The following JMJD1C variants were observed in gnomAD, a reference collection of about 807,000 sequenced individuals.
The protein encoded by JMJD1C is jumonji domain containing 1C, also known as jumonji domain-containing protein 1C.
In JMJD1C, 31 loss-of-function variants were observed where a neutral mutation model predicts 245.3. That is an observed-to-expected ratio of 0.13 (90% CI 0.09 to 0.17). JMJD1C has a LOEUF of 0.17. Among genes scored for constraint, JMJD1C ranks in the 10% least tolerant of loss-of-function variants. The pLI is 1.00. For synonymous variants in JMJD1C, 1,057 were observed against 1,017.4 expected, an observed-to-expected ratio of 1.04 and a Z score of -0.74; for missense variants, 2,691 against 3,000.2, an observed-to-expected ratio of 0.90 and a Z score of 2.41.
At position 63,331,309 on chromosome 10, in the gene JMJD1C, T is replaced by C. The variant is rs139497602; in HGVS notation, c.333+49009A>G. On this transcript the variant is annotated intron_variant, in intron 2 of 25. Transcript: ENST00000399262. The stretch of plus-strand genomic sequence containing the variant: ...CCTCTGTTAAAACTCTTAAACCCAC[T>C]TCTCATTACTTACTTTTTTCCTATC... 2.4e-3 allele frequency among the ~76,000 whole-genome samples: 366 copies of C among 152,300 alleles called. 3 individuals carry two copies. In the South Asian group the frequency reaches 0.029, roughly 12 times the overall value.
At chr10:63,416,079 G>C (rs1467412227) in intron 1 of JMJD1C, among the ~76,000 whole-genome samples, 1 of 152,094 alleles carries the variant, frequency 6.6e-6, no homozygotes, top group Non-Finnish European at 1.5e-5. Context: ...TTCCAGATAG[G>C]ATAACTTCTC....
At chr10:63,273,428 A>G (rs142644128) in intron 2 of JMJD1C, among the ~76,000 whole-genome samples, 1 of 152,346 alleles carries the variant, frequency 6.6e-6, no homozygotes, top group African/African-American at 2.4e-5. Flanking sequence ...TAACACAAAC[A>G]AAAATAATGA....
intron 13 of JMJD1C, chr10:63,194,608 C>G (rs1589115679): frequency 2.4e-6 from 1 of 414,942 alleles, no homozygotes; most frequent in South Asian, 3.6e-5. Context: ...TATAAAAACA[C>G]TGACACAAAA....
intron 18 of JMJD1C, among the ~76,000 whole-genome samples, 190 bp from the exon 19 acceptor site, chr10:63,186,573 T>C (rs1269482187): frequency 6.6e-6 from 1 of 152,156 alleles, no homozygotes; most frequent in African/African-American, 2.4e-5. Flanking sequence ...GCTGAAACTA[T>C]TAAATTTCGA....
intron 2 of JMJD1C, among the ~76,000 whole-genome samples, chr10:63,360,734 C>A (rs1327845505): frequency 6.6e-6 from 1 of 152,008 alleles, no homozygotes; most frequent in Non-Finnish European, 1.5e-5. Flanking sequence ...ATATTACATA[C>A]CACAAAAGTT....
intron 3 of JMJD1C, among the ~76,000 whole-genome samples, chr10:63,224,519 C>T (rs191099986): frequency 6.6e-6 from 1 of 152,086 alleles, no homozygotes; most frequent in African/African-American, 2.4e-5. Context: ...ATCATCATTC[C>T]CATTTTAAAG....
intron 1 of JMJD1C, among the ~76,000 whole-genome samples, chr10:63,460,098 G>T (rs1442070735): frequency 6.6e-6 from 1 of 152,156 alleles, no homozygotes; most frequent in Non-Finnish European, 1.5e-5. Flanking sequence ...TATTCTGTAA[G>T]TTAGCTTAGA....
intron 1 of JMJD1C, among the ~76,000 whole-genome samples, chr10:63,406,463 C>T (rs1487895764): frequency 1.3e-5 from 2 of 151,818 alleles, no homozygotes; most frequent in Non-Finnish European, 2.9e-5. Flanking sequence ...CAATATGTGT[C>T]CATATCAAAG....
chr10:63,384,415 A>T (rs1404034512), intron 1 of JMJD1C, among the ~76,000 whole-genome samples: 1 of 152,192 alleles, frequency 6.6e-6, no homozygotes, highest in African/African-American at 2.4e-5. Context: ...AAATAATAAG[A>T]CTTGAAAATC....
chr10:63,298,489 T>G (rs371735771), intron 2 of JMJD1C, among the ~76,000 whole-genome samples: 10 of 152,298 alleles, frequency 6.6e-5, no homozygotes, highest in African/African-American at 2.4e-4. Context: ...ACATGGTGTC[T>G]ACACTGTGTA....
At chr10:63,454,238 G>GCT (rs1464526386) in intron 1 of JMJD1C, among the ~76,000 whole-genome samples, 1 of 150,302 alleles carries the variant, frequency 6.7e-6, no homozygotes, top group African/African-American at 2.5e-5. Context: ...TGTGATCGGA[G>GCT]CTCTAAAAGG....
chr10:63,453,003 C>T (rs923077677), intron 1 of JMJD1C, among the ~76,000 whole-genome samples: 2 of 152,008 alleles, frequency 1.3e-5, no homozygotes, highest in Non-Finnish European at 2.9e-5. Context: ...ATGAGCTGTG[C>T]GTGGCTCACA....
At chr10:63,504,969 A>T (rs1954672425) in intron 1 of JMJD1C, among the ~76,000 whole-genome samples, 1 of 152,018 alleles carries the variant, frequency 6.6e-6, no homozygotes, top group Non-Finnish European at 1.5e-5. Context: ...CTATGATCAT[A>T]CCACTGTACT....
At chr10:63,467,202 A>C (rs1953327251), upstream of JMJD1C, among the ~76,000 whole-genome samples, 1 of 152,196 alleles carries the variant, frequency 6.6e-6, no homozygotes, top group African/African-American at 2.4e-5. Flanking sequence ...TTTGCCAAAG[A>C]CCAAACATAG....
At chr10:63,203,558 T>C (rs1589137304) in intron 10 of JMJD1C, 1 of 961,308 alleles carries the variant, frequency 1.0e-6, no homozygotes, top group Non-Finnish European at 1.2e-6. Flanking sequence ...ATTTATATAT[T>C]TGAATATAGT....
chr10:63,199,074 A>G (rs1196033270), intron 11 of JMJD1C, among the ~76,000 whole-genome samples: 19 of 152,200 alleles, frequency 1.2e-4, no homozygotes, highest in Non-Finnish European at 5.9e-5. Context: ...TATTTTATAC[A>G]TAATCTAAAT....
At chr10:63,337,555 A>C (rs1942892105) in intron 2 of JMJD1C, among the ~76,000 whole-genome samples, 1 of 20,544 alleles carries the variant, frequency 4.9e-5, no homozygotes, top group Non-Finnish European at 8.5e-5. Flanking sequence ...GAGGACAAGA[A>C]AAGAAAAGAA....
chr10:63,233,042 T>C (rs1262934889), intron 3 of JMJD1C, among the ~76,000 whole-genome samples: 2 of 152,308 alleles, frequency 1.3e-5, no homozygotes, highest in East Asian at 3.9e-4. Context: ...CTGAATATTT[T>C]AAGTTATTCT....
At position 63,177,849 on chromosome 10, in the gene JMJD1C, G is replaced by C. The variant is rs1342898465; in HGVS notation, c.7092C>G (p.Leu2364=). 14 of 1,612,014 alleles carry C rather than the reference G, an allele frequency of 8.7e-6. 1 individual carries two copies. In the Middle Eastern group the frequency reaches 5.0e-4, roughly 57 times the overall value. The change falls in exon 23 of 26, where the codon CTC becomes CTG. Residue 2364 remains leucine, a synonymous_variant. Coordinates refer to ENST00000399262, the MANE Select transcript of JMJD1C (RefSeq NM_032776.3). Reference sequence around the variant, plus strand: ...CCAAATCTTCTTCCTCAAATTTCTTGAGAATTCCTGAAACAAAGGAACATA... The same window carrying C: ...CCAAATCTTCTTCCTCAAATTTCTTCAGAATTCCTGAAACAAAGGAACATA... ...GNGILSKAGI[L]KKFEEEDLDD...
Sources: gnomAD v4.1 joint callset for allele counts (sites outside exome capture counted in the v4.1 genomes callset) on GRCh38, gnomAD v4.1.1 for gene constraint, MANE v1.5 for transcripts, NCBI Gene and HGNC (gene_info 2026-07-23, HGNC 2026-07-21) for gene names.